Variants in GPR155 observed in about 807,000 individuals in gnomAD.
The protein encoded by GPR155 is G protein-coupled receptor 155.
In GPR155, 65 loss-of-function variants were observed where a neutral mutation model predicts 93.1. The observed-to-expected ratio is 0.70, with a 90% CI of 0.57 to 0.86. GPR155 has a LOEUF of 0.86. Among genes scored for constraint, GPR155 ranks in the 40% least tolerant of loss-of-function variants. The pLI is 0.00. For missense variants in GPR155, 838 were observed against 1,034.8 expected, an observed-to-expected ratio of 0.81 and a Z score of 2.61; for synonymous variants, 319 against 360.1, an observed-to-expected ratio of 0.89 and a Z score of 1.29.
chr2:174,484,345 A>C (rs1011575064), intron 1 of GPR155, among the ~76,000 whole-genome samples: 7 of 152,256 alleles, frequency 4.6e-5, no homozygotes, highest in African/African-American at 1.7e-4. Flanking sequence ...GGAGCCCTTA[A>C]GACGGTGTGT....
intron 10 of GPR155, among the ~76,000 whole-genome samples, chr2:174,456,581 G>A (rs1024042861): frequency 1.3e-5 from 2 of 152,146 alleles, no homozygotes; most frequent in East Asian, 1.9e-4. Flanking sequence ...AGAATTACAG[G>A]TGTGAAACAC....
chr2:174,450,018 C>T (rs1017181316), intron 11 of GPR155, among the ~76,000 whole-genome samples: 2 of 151,680 alleles, frequency 1.3e-5, no homozygotes, highest in African/African-American at 4.8e-5. Context: ...TGGTTGCACA[C>T]GTCCGTAGTC....
chr2:174,464,203 C>T (rs1687776886), intron 7 of GPR155, among the ~76,000 whole-genome samples: 1 of 152,064 alleles, frequency 6.6e-6, no homozygotes, highest in Non-Finnish European at 1.5e-5. Flanking sequence ...TTAAATTAGA[C>T]CAGTGTTTCC....
intron 6 of GPR155, among the ~76,000 whole-genome samples, chr2:174,466,291 G>T (rs1687835652): frequency 6.6e-6 from 1 of 152,106 alleles, no homozygotes; most frequent in African/African-American, 2.4e-5. Flanking sequence ...AATTATTAAT[G>T]ATTAAATTGT....
rs751250563 is a variant in GPR155 at position 174,453,829 on chromosome 2, C to A, written c.1784G>T (p.Cys595Phe). The A allele has an allele frequency of 1.2e-6, 2 of 1,610,892 alleles. No homozygotes were observed. The highest frequency in any genetic ancestry group is 1.1e-5 in the South Asian group (1 of 91,018). Residue 595 changes from cysteine (C) to phenylalanine (F), a missense_variant, in exon 11 of 16, where the codon TGC becomes TTC. By Grantham distance (205) the Cys-to-Phe change is radical. This residue lies in a region of GPR155 where 663 missense variants were observed against 790.1 expected (regional missense o/e 0.84). Transcript: ENST00000392552. ...SSIPETSCCSCSMGNGELHCP... is the reference protein window; with the variant it reads ...SSIPETSCCSFSMGNGELHCP... ...GTGTAATTCACCATTTCCCATGGAG[C>A]AGGAGCAGCAACCTATATCAATCAA... is the stretch of plus-strand genomic sequence containing the variant.
At position 174,473,280 on chromosome 2, in the gene GPR155, G is replaced by C; in HGVS notation, c.545C>G (p.Pro182Arg). Reference sequence around the variant, plus strand: ...GATTTCACAGAAAATAAACCCTATAGGGTTTAACATCATAAGAGATATTGG... The same window carrying C: ...GATTTCACAGAAAATAAACCCTATACGGTTTAACATCATAAGAGATATTGG... ...VAPISLMMLN[P>R]IGFIFCEIQK... The change falls in exon 3 of 16, where the codon CCT (proline) becomes CGT (arginine). Residue 182 changes from proline to arginine, a missense_variant. Transcript: ENST00000392552. 6.2e-7 allele frequency: 1 copy of C among 1,609,158 alleles called. No individual in the cohort carries two copies. The highest frequency in any genetic ancestry group is 1.1e-5 in the South Asian group (1 of 90,740).
chr2:174,461,485 C>T lies in GPR155; in HGVS notation c.1477G>A (p.Ala493Thr), dbSNP rs768888515. The stretch of plus-strand genomic sequence containing the variant: ...ATCAAAAGAACACCAACAAGGAGAG[C>T]AGGAATTCTGTAATCACAAGTGATA... ...IIIISGWGIP[A>T]LLVGVLLITG... The change falls in exon 9 of 16, where the codon GCT becomes ACT. Residue 493 changes from alanine (A) to threonine (T), a missense_variant. By Grantham distance (58) the Ala-to-Thr change is moderately conservative. This residue lies in a region of GPR155 where 663 missense variants were observed against 790.1 expected (regional missense o/e 0.84). Coordinates refer to ENST00000392552, the MANE Select transcript of GPR155 (RefSeq NM_152529.7). 6.2e-7 allele frequency: 1 copy of T among 1,610,886 alleles called. No homozygotes were observed. Among genetic ancestry groups the T allele is most frequent in the African/African-American group, 1.3e-5 (1 of 74,936 alleles).
Position 174,467,198 on chromosome 2 carries a change from C to T in GPR155, c.1183-571G>A, listed in dbSNP as rs79189560. Among the ~76,000 whole-genome samples, 896 of 150,838 alleles carry T rather than the reference C, an allele frequency of 5.9e-3. 6 individuals are homozygous for T. The highest frequency in any genetic ancestry group is 0.021 in the African/African-American group (849 of 41,114). The stretch of plus-strand genomic sequence containing the variant: ...CAAAACAAAACAAAACAAAGCAAAA[C>T]AAAAAAAAACTAATGCCTTGGCCAG... On this transcript the variant is annotated intron_variant, in intron 5 of 15. Transcript: ENST00000392552.
At chr2:174,486,173 C>T (rs1688472426) in intron 1 of GPR155, among the ~76,000 whole-genome samples, 1 of 152,222 alleles carries the variant, frequency 6.6e-6, no homozygotes, top group South Asian at 2.1e-4. Flanking sequence ...CATTCACCCA[C>T]TCCTACCTAC....
At chr2:174,468,819 T>TA in intron 5 of GPR155, 93 bp downstream of exon 5, 1 of 1,069,202 alleles carries the variant, frequency 9.4e-7, no homozygotes, top group Non-Finnish European at 1.4e-6. Context: ...CTTTATTTCA[T>TA]AAGAAACTAG....
chr2:174,486,455 A>C (rs1688483031), intron 1 of GPR155, among the ~76,000 whole-genome samples: 1 of 152,212 alleles, frequency 6.6e-6, no homozygotes, highest in African/African-American at 2.4e-5. Flanking sequence ...CATGGTAACT[A>C]ACATACCCCA....
Position 174,440,316 on chromosome 2 carries a change from T to C in GPR155, c.2175-281A>G, listed in dbSNP as rs1438334622. Among the ~76,000 whole-genome samples, 10 of 152,336 alleles carry C rather than the reference T, an allele frequency of 6.6e-5. No homozygotes were observed. In the East Asian group the frequency reaches 1.9e-3, roughly 29 times the overall value. On this transcript the variant is annotated intron_variant, in intron 14 of 15. Coordinates refer to ENST00000392552, the MANE Select transcript of GPR155 (RefSeq NM_152529.7). ...AAACCCTCCAGACATGTTTGATCCA[T>C]TTCAGGTTCTACTAATAAATGTTCC...
At chr2:174,448,530 G>T (rs56097133) in intron 11 of GPR155, among the ~76,000 whole-genome samples, 26,764 of 99,630 alleles carry the variant, frequency 0.27, 4,031 homozygotes, top group East Asian at 0.65. Context: ...TTTGTTTTTT[G>T]TTTTTTTTTT....
At position 174,433,000 on chromosome 2, in the gene GPR155, T is replaced by TGC. The variant is rs1686680138; in HGVS notation, c.*3115_*3116insGC. ...GGGTGGTCTCGATCTCCTGACCTCG[T>TGC]GATCCGCCAGCCTCGACCTCCCAAA... On this transcript the variant is annotated 3_prime_UTR_variant, in exon 16 of 16. Coordinates refer to ENST00000392552, the MANE Select transcript of GPR155 (RefSeq NM_152529.7). The TGC allele has an allele frequency of 6.6e-6, 1 of 151,994 alleles. No homozygotes were observed. Among genetic ancestry groups the TGC allele is most frequent in the South Asian group, 2.1e-4 (1 of 4,824 alleles). 9.4% of individuals were successfully genotyped at this position (151,994 alleles called of 1,614,324 possible).
chr2:174,484,266 C>T (rs1014588248), intron 1 of GPR155, among the ~76,000 whole-genome samples: 4 of 152,148 alleles, frequency 2.6e-5, no homozygotes, highest in African/African-American at 4.8e-5. Context: ...GGAAAGCTAC[C>T]GGTTGGTACA....
In GPR155 at chr2:174,431,601, C is replaced by T. The variant is rs906292320; in HGVS notation, c.*4515G>A. ...TTAATTATTTCAACCTTTTATCATA[C>T]CAATTGCAGAAATTTATAATCTCAT... is the stretch of plus-strand genomic sequence containing the variant. On this transcript the variant is annotated 3_prime_UTR_variant, in exon 16 of 16. Coordinates refer to ENST00000392552, the MANE Select transcript of GPR155 (RefSeq NM_152529.7). The T allele has an allele frequency of 6.6e-6, 1 of 152,152 alleles. No individual in the cohort carries two copies. The highest frequency in any genetic ancestry group is 1.5e-5 in the Non-Finnish European group (1 of 68,032). 9.4% of individuals were successfully genotyped at this position (152,152 alleles called of 1,614,324 possible).
At chr2:174,454,928 G>A (rs1446504024) in intron 10 of GPR155, among the ~76,000 whole-genome samples, 1 of 152,092 alleles carries the variant, frequency 6.6e-6, no homozygotes, top group Non-Finnish European at 1.5e-5. Flanking sequence ...GGATACTTGG[G>A]CAGGTAGGGG....
intron 5 of GPR155, 25 bp downstream of exon 5, chr2:174,468,887 T>C (rs371627796): frequency 6.3e-7 from 1 of 1,589,574 alleles, no homozygotes. Flanking sequence ...TGGTTTCCAT[T>C]CATTTTGGGA....
At chr2:174,449,248 T>C (rs7595023) in intron 11 of GPR155, among the ~76,000 whole-genome samples, 114,000 of 152,118 alleles carry the variant, frequency 0.75, 43,937 homozygotes, top group Middle Eastern at 0.84. Context: ...GGTGAGGCTG[T>C]AGAGAAAAGG....
Sources: gnomAD v4.1 joint callset for allele counts (sites outside exome capture counted in the v4.1 genomes callset) on GRCh38, gnomAD v4.1.1 for gene constraint, gnomAD v4.1.1 regional missense constraint, MANE v1.5 for transcripts, NCBI Gene and HGNC (gene_info 2026-07-23, HGNC 2026-07-21) for gene names.